The following PLP1 variants were observed in gnomAD, a reference collection of about 807,000 sequenced individuals.
PLP1 encodes myelin proteolipid protein.
In PLP1, 2 loss-of-function variants were observed where a neutral mutation model predicts 18.5. That is an observed-to-expected ratio of 0.11 (90% CI 0.04 to 0.34). PLP1 has a LOEUF of 0.34. Ranked by LOEUF, PLP1 falls within the 10% of genes least tolerant of loss-of-function variation. PLP1 has a pLI of 1.00. For synonymous variants in PLP1, 86 were observed against 83.2 expected (o/e 1.03, Z -0.19); for missense variants, 105 against 207.3 (o/e 0.51, Z 3.03).
intron 1 of PLP1, chrX:103,780,064 C>T (rs1477470694): frequency 8.8e-6 from 1 of 113,037 alleles, no homozygotes; most frequent in African/African-American, 3.2e-5. Context: ...ACATCAAAAG[C>T]TCAGCAAGTA....
intron 1 of PLP1, among the ~76,000 whole-genome samples, 176 bp from the exon 2 acceptor site, chrX:103,785,406 T>G (rs979389941): frequency 8.9e-6 from 1 of 112,311 alleles, no homozygotes; most frequent in Non-Finnish European, 1.9e-5. Flanking sequence ...TGAAACAAAG[T>G]AAGGATTCTG....
At chrX:103,785,905 T>C in intron 2 of PLP1, 137 bp downstream of exon 2, 1 of 723,883 alleles carries the variant, frequency 1.4e-6, no homozygotes, top group Non-Finnish European at 2.1e-6. Context: ...CTTCCCTCTG[T>C]GCAGATCTCT....
intron 5 of PLP1, chrX:103,788,990 A>C (rs145567904): frequency 0.013 from 4,188 of 331,298 alleles, 162 homozygotes; most frequent in African/African-American, 0.098. Flanking sequence ...CAGGGGAATA[A>C]AAGTAAATCC....
chrX:103,787,460 C>T (rs2074506638), intron 3 of PLP1: 2 of 328,676 alleles, frequency 6.1e-6, no homozygotes, highest in Non-Finnish European at 1.1e-5. Context: ...CTAAGCTCAG[C>T]CTAAGGCACA....
intron 3 of PLP1, chrX:103,787,082 T>G (rs1226276183): frequency 3.3e-5 from 8 of 242,914 alleles, no homozygotes; most frequent in Admixed American, 6.2e-5. Context: ...ATGCTGCTCA[T>G]GTGATTGAGA....
At chrX:103,779,781 A>G (rs907558478) in intron 1 of PLP1, 3 of 111,855 alleles carry the variant, frequency 2.7e-5, no homozygotes, top group Non-Finnish European at 5.6e-5. Context: ...TAGTCTCCAA[A>G]CCCATTAAGG....
At chrX:103,778,056 TA>T (rs2074424617) in intron 1 of PLP1, among the ~76,000 whole-genome samples, 1 of 111,592 alleles carries the variant, frequency 9.0e-6, no homozygotes, top group Non-Finnish European at 1.9e-5. Flanking sequence ...TGTGTTCAGG[TA>T]AAACAGGAGG....
In PLP1 at chrX:103,778,440, C is replaced by G. The variant is rs1768326725; in HGVS notation, c.4+1441C>G. 2.7e-5 allele frequency among the ~76,000 whole-genome samples: 3 copies of G among 111,584 alleles called. No homozygotes were observed. The Admixed American group carries it at 2.8e-4, about 11-fold the overall frequency. ...AATGTTGGAGGAACTCAATTCCTGC[C>G]CTGGGTAACATCAGGAATCCTATCT... On this transcript the variant is annotated intron_variant, in intron 1 of 6. Coordinates refer to ENST00000621218, the MANE Select transcript of PLP1 (RefSeq NM_000533.5).
rs747690339 is a variant in PLP1 at position 103,788,646 on chromosome X, T to C, written c.696+136T>C. 27 of 582,452 alleles carry C rather than the reference T, an allele frequency of 4.6e-5. No individual in the cohort carries two copies. The South Asian group carries it at 5.8e-4, about 13-fold the overall frequency. The allele number at this position is 582,452 out of a possible 1,213,427, so 48.0% of individuals were successfully genotyped here. The stretch of plus-strand genomic sequence containing the variant: ...TAGCCGATTGCCTTCTACAACATGT[T>C]GGCTAAGTGTGCCTGAGCCAATGAG... On this transcript the variant is annotated intron_variant, in intron 5 of 6. Coordinates refer to ENST00000621218, the MANE Select transcript of PLP1 (RefSeq NM_000533.5).
chrX:103,782,968 A>T (rs2074466434), intron 1 of PLP1, among the ~76,000 whole-genome samples: 1 of 112,282 alleles, frequency 8.9e-6, no homozygotes, highest in African/African-American at 3.2e-5. Flanking sequence ...CCCCATCCCC[A>T]GGCTTCAGAG....
intron 1 of PLP1, among the ~76,000 whole-genome samples, chrX:103,782,544 G>C (rs2074461849): frequency 8.9e-6 from 1 of 111,977 alleles, no homozygotes; most frequent in Non-Finnish European, 1.9e-5. Context: ...ACACTCAAGA[G>C]GATGTTTCCC....
chrX:103,790,481 C>T (rs745702467), intron 6 of PLP1, 46 bp from the exon 7 acceptor site: 2 of 943,913 alleles, frequency 2.1e-6, no homozygotes, highest in African/African-American at 1.9e-5. Context: ...GGAGGGAGTG[C>T]TTTCTTTTCT....
chrX:103,782,289 A>C (rs1321440173), intron 1 of PLP1, among the ~76,000 whole-genome samples: 1 of 112,522 alleles, frequency 8.9e-6, no homozygotes, highest in Non-Finnish European at 1.9e-5. Flanking sequence ...CATTTATTTC[A>C]GACTTTACAT....
chrX:103,779,333 G>A (rs1485228847), intron 1 of PLP1, among the ~76,000 whole-genome samples: 2 of 112,422 alleles, frequency 1.8e-5, no homozygotes, highest in Non-Finnish European at 3.7e-5. Flanking sequence ...TTGCCAAGCA[G>A]TGTAGTTTTG....
Position 103,790,887 on chromosome X carries a change from T to C in PLP1, c.*289T>C, listed in dbSNP as rs1181892746. 1 of 354,705 alleles carries C rather than the reference T, an allele frequency of 2.8e-6. No homozygotes were observed. Among genetic ancestry groups the C allele is most frequent in the Non-Finnish European group, 4.9e-6 (1 of 202,404 alleles). 29.2% of individuals were successfully genotyped at this position (354,705 alleles called of 1,213,427 possible). ...AGTCACAAAGGAATGGAGGCTCTAATTGAATTTTCAAGCATCTCCTGAGGA... is the reference window on the plus strand; with the variant it reads ...AGTCACAAAGGAATGGAGGCTCTAACTGAATTTTCAAGCATCTCCTGAGGA... On this transcript the variant is annotated 3_prime_UTR_variant, in exon 7 of 7. Coordinates refer to ENST00000621218, the MANE Select transcript of PLP1 (RefSeq NM_000533.5).
intron 1 of PLP1, among the ~76,000 whole-genome samples, chrX:103,782,944 T>C (rs1356711156): frequency 8.9e-6 from 1 of 112,332 alleles, no homozygotes; most frequent in African/African-American, 3.2e-5. Context: ...GTGGGGTCAC[T>C]GACCTTCTTC....
At chrX:103,777,329 C>T (rs773621482) in intron 1 of PLP1, among the ~76,000 whole-genome samples, 2 of 111,393 alleles carry the variant, frequency 1.8e-5, no homozygotes, top group Admixed American at 9.6e-5. Flanking sequence ...GCCCTGGCAA[C>T]GGTTGGGTCA....
chrX:103,787,513 C>T (rs2074506935), intron 3 of PLP1: 1 of 407,404 alleles, frequency 2.5e-6, no homozygotes, highest in Non-Finnish European at 4.3e-6. Context: ...GATTTCTTTA[C>T]ACCTTATCTG....
upstream of PLP1, chrX:103,776,542 C>T: frequency 7.2e-6 from 1 of 138,826 alleles, no homozygotes; most frequent in Non-Finnish European, 1.4e-5. Context: ...GCATATCCCA[C>T]ACCAATTAGA....
Sources: gnomAD v4.1 joint callset for allele counts (sites outside exome capture counted in the v4.1 genomes callset) on GRCh38, gnomAD v4.1.1 for gene constraint, MANE v1.5 for transcripts, NCBI Gene and HGNC (gene_info 2026-07-23, HGNC 2026-07-21) for gene names.